Variants in EPAS1 observed in about 807,000 individuals in gnomAD.
EPAS1 encodes the protein endothelial PAS domain-containing protein 1.
Under a neutral mutation model 87.9 loss-of-function variants are expected in EPAS1, and 23 were observed. The ratio of observed to expected loss-of-function variants is 0.26; its 90% CI spans 0.19 to 0.37. The LOEUF (loss-of-function observed/expected upper bound fraction) is 0.37. EPAS1 is among the 10% of genes least tolerant of loss of function. The probability of loss-of-function intolerance (pLI) is 1.00; values close to 1 mark genes in which losing one functional copy is unlikely to be tolerated. For synonymous variants in EPAS1, 508 were observed against 444.3 expected (o/e 1.14, Z -1.80); for missense variants, 1,138 against 1,120.7 (o/e 1.02, Z -0.22).
intron 15 of EPAS1, among the ~76,000 whole-genome samples, 199 bp downstream of exon 15, chr2:46,382,797 C>T (rs1335193780): frequency 5.3e-5 from 8 of 152,168 alleles, no homozygotes; most frequent in Non-Finnish European, 1.0e-4. Context: ...TCAGGCCCCC[C>T]AGTGGGTGGG....
chr2:46,333,688 A>G (rs1210977844), intron 1 of EPAS1, among the ~76,000 whole-genome samples: 1 of 152,098 alleles, frequency 6.6e-6, no homozygotes, highest in African/African-American at 2.4e-5. Context: ...GGAGACCTCA[A>G]GGAGCACGTC....
intron 1 of EPAS1, among the ~76,000 whole-genome samples, chr2:46,342,742 G>A (rs375327506): frequency 2.0e-5 from 3 of 152,138 alleles, no homozygotes; most frequent in Admixed American, 2.0e-4. Context: ...AGCCATGCTC[G>A]GAGCAATGAC....
Position 46,360,855 on chromosome 2 carries a change from C to T in EPAS1, c.574-30C>T. The T allele has an allele frequency of 6.2e-7, 1 of 1,614,072 alleles. No homozygotes were observed. ...ACCCCCACCCCCAGCACTCTCGGCT[C>T]CATGTCTGACCCTTCCACGCCTGTC... is the stretch of plus-strand genomic sequence containing the variant. On this transcript the variant is annotated intron_variant, in intron 5 of 15. Coordinates refer to ENST00000263734, the MANE Select transcript of EPAS1 (RefSeq NM_001430.5). This position sits in a 1 kb window ranked among gnomAD's most constrained non-coding sequence, Gnocchi z 4.5.
intron 1 of EPAS1, among the ~76,000 whole-genome samples, chr2:46,337,854 C>CT (rs765508066): frequency 1.4e-4 from 21 of 149,886 alleles, no homozygotes; most frequent in South Asian, 6.4e-4. Context: ...AAGCACAAAC[C>CT]TTTTTTTTTT....
chr2:46,297,768 C>G lies in EPAS1; in HGVS notation c.-144C>G. The G allele has an allele frequency of 1.7e-6, 2 of 1,146,232 alleles. No individual in the cohort carries two copies. 71.0% of individuals were successfully genotyped at this position (1,146,232 alleles called of 1,614,324 possible). A position where few individuals can be genotyped will look rare whatever the true frequency, so the allele number is the denominator to read the frequency against. ...CCGCCGCGCGCCACCTTCCACCTGA[C>G]TGCGCGGGGCGCTCGGGACCTGCGC... On this transcript the variant is annotated 5_prime_UTR_variant, in exon 1 of 16. Coordinates refer to ENST00000263734, the MANE Select transcript of EPAS1 (RefSeq NM_001430.5).
At chr2:46,341,371 T>C (rs960004729) in intron 1 of EPAS1, among the ~76,000 whole-genome samples, 5 of 152,222 alleles carry the variant, frequency 3.3e-5, no homozygotes, top group Non-Finnish European at 5.9e-5. Flanking sequence ...TGTGACTGAT[T>C]TTCTTATGTG....
At chr2:46,366,722 GA>G (rs199512617) in intron 6 of EPAS1, among the ~76,000 whole-genome samples, 10 of 151,254 alleles carry the variant, frequency 6.6e-5, no homozygotes, top group African/African-American at 1.2e-4. Flanking sequence ...TAGAAAGAAA[GA>G]AAAAAAAATA....
At chr2:46,368,026 T>C (rs1684539292) in intron 6 of EPAS1, among the ~76,000 whole-genome samples, 1 of 152,214 alleles carries the variant, frequency 6.6e-6, no homozygotes, top group South Asian at 2.1e-4. Context: ...AGGTGTCTGT[T>C]TGTACCGTAG....
chr2:46,304,858 T>C (rs572916597), intron 1 of EPAS1, among the ~76,000 whole-genome samples: 3 of 152,262 alleles, frequency 2.0e-5, no homozygotes, highest in African/African-American at 7.2e-5. Flanking sequence ...AAGGAAAGAA[T>C]GGATAGGGGG....
intron 1 of EPAS1, among the ~76,000 whole-genome samples, chr2:46,301,237 G>C (rs1169447253): frequency 6.6e-6 from 1 of 152,104 alleles, no homozygotes; most frequent in Non-Finnish European, 1.5e-5. Context: ...AACTGATGCC[G>C]AGAGAGGTTA....
chr2:46,381,477 T>C, intron 12 of EPAS1, 119 bp from the exon 13 acceptor site: 1 of 1,521,666 alleles, frequency 6.6e-7, no homozygotes, highest in East Asian at 2.3e-5. Flanking sequence ...CTCTGCCTTT[T>C]GGGTCTTTGA....
Position 46,347,019 on chromosome 2 carries a change from G to A in EPAS1, c.173G>A (p.Arg58Gln), listed in dbSNP as rs2103616316. Residue 58 changes from arginine to glutamine, a missense_variant, in exon 2 of 16, where the codon CGA (arginine) becomes CAA (glutamine). Arg to Gln is a conservative substitution (Grantham distance 43). Around this residue, in one of 4 missense-constraint regions of EPAS1, gnomAD observed 351 missense variants for 417.1 expected, o/e 0.84. Transcript: ENST00000263734. The surrounding 1 kb of genome is among the most constrained non-coding windows in gnomAD (Gnocchi z 4.2). The stretch of plus-strand genomic sequence containing the variant: ...CATCTGGACAAGGCCTCCATCATGC[G>A]ACTGGCAATCAGCTTCCTGCGAACA... ...SSHLDKASIM[R>Q]LAISFLRTHK... The A allele has an allele frequency of 6.2e-7, 1 of 1,614,168 alleles. No homozygotes were observed. Among genetic ancestry groups the A allele is most frequent in the Admixed American group, 1.7e-5 (1 of 60,024 alleles).
rs775331985 is a variant in EPAS1, at chr2:46,381,674, G to A, written c.2124G>A (p.Leu708=). Residue 708 remains leucine (L), a synonymous_variant, in exon 13 of 16, where the codon CTG becomes CTA. Transcript: ENST00000263734. ...TAGCCCTCTCCAACAAGCTGAAGCTGAAGCGACAGCTGGAGTATGAAGAGC... is the reference window on the plus strand; with the variant it reads ...TAGCCCTCTCCAACAAGCTGAAGCTAAAGCGACAGCTGGAGTATGAAGAGC... ...AMVALSNKLK[L]KRQLEYEEQA... is the part of the protein sequence containing the mutation. 15 of 1,614,030 alleles carry A rather than the reference G, an allele frequency of 9.3e-6. No homozygotes were observed. The South Asian group carries it at 1.4e-4, about 15-fold the overall frequency.
Position 46,386,532 on chromosome 2 carries a change from G to GAAAA in EPAS1, c.*1874_*1877dup, listed in dbSNP as rs199667593. The GAAAA allele has an allele frequency of 4.6e-5, 7 of 152,732 alleles. No individual in the cohort carries two copies. In the East Asian group the frequency reaches 1.3e-3, roughly 29 times the overall value. The allele number at this position is 152,732 out of a possible 1,614,324, so 9.5% of individuals were successfully genotyped here. On this transcript the variant is annotated 3_prime_UTR_variant, in exon 16 of 16. Coordinates refer to ENST00000263734, the MANE Select transcript of EPAS1 (RefSeq NM_001430.5). ...ACCCTTGCAGTTTTACTAAAACACT[G>GAAAA]AAAAATATTCCAAGCTTCATATTAA...
intron 15 of EPAS1, 129 bp downstream of exon 15, chr2:46,382,727 A>C (rs1350214417): frequency 6.5e-6 from 8 of 1,230,606 alleles, no homozygotes; most frequent in Non-Finnish European, 9.2e-6. Context: ...TCACCTATAC[A>C]GGGCTCAGGT....
intron 1 of EPAS1, among the ~76,000 whole-genome samples, chr2:46,344,836 G>A (rs575830125): frequency 2.6e-5 from 4 of 152,324 alleles, no homozygotes; most frequent in African/African-American, 4.8e-5. Context: ...GCTGTTGGAC[G>A]ATTCATCCTT....
In EPAS1 at chr2:46,385,342, T is replaced by C. The variant is rs1181015163; in HGVS notation, c.*682T>C. On this transcript the variant is annotated 3_prime_UTR_variant, in exon 16 of 16. Coordinates refer to ENST00000263734, the MANE Select transcript of EPAS1 (RefSeq NM_001430.5). ...TCCCCCGCATTTGGTGGATTTTTTA[T>C]TATTATTCAAAAACATAACTGAGTT... is the stretch of plus-strand genomic sequence containing the variant. The C allele has an allele frequency of 1.3e-5, 2 of 152,508 alleles. No individual in the cohort carries two copies. Among genetic ancestry groups the C allele is most frequent in the Non-Finnish European group, 2.9e-5 (2 of 68,078 alleles). The allele number at this position is 152,508 out of a possible 1,614,324, so 9.4% of individuals were successfully genotyped here.
chr2:46,381,892 G>A (rs1389248263), intron 13 of EPAS1, 83 bp from the exon 14 acceptor site: 2 of 1,506,650 alleles, frequency 1.3e-6, no homozygotes, highest in Non-Finnish European at 1.8e-6. Context: ...TGCCAGCCCT[G>A]TTCCAGGCCC....
At chr2:46,332,705 G>T (rs375796232) in intron 1 of EPAS1, among the ~76,000 whole-genome samples, 1 of 152,132 alleles carries the variant, frequency 6.6e-6, no homozygotes, top group South Asian at 2.1e-4. Context: ...TCCCCCTGGG[G>T]CTTGGCCCAT....
Sources: allele counts gnomAD v4.1 joint callset (sites outside exome capture counted in the v4.1 genomes callset), GRCh38; gene constraint gnomAD v4.1.1; regional missense constraint gnomAD v4.1.1; non-coding constraint Gnocchi (gnomAD v3.1); transcripts MANE v1.5; gene names NCBI Gene and HGNC (gene_info 2026-07-23, HGNC 2026-07-21).